The following MAGI1 variants were observed in gnomAD, a reference collection of about 807,000 sequenced individuals.
The protein encoded by MAGI1 is membrane-associated guanylate kinase, WW and PDZ domain-containing protein 1.
MAGI1 carries 58 observed loss-of-function variants against 139.9 expected under a neutral mutation model. That is an observed-to-expected ratio of 0.41 (90% confidence interval 0.34 to 0.52). The LOEUF is 0.52. Ranked by LOEUF, MAGI1 falls within the 20% of genes least tolerant of loss-of-function variation. The probability of loss-of-function intolerance (pLI) is 0.12; values close to 1 mark genes in which losing one functional copy is unlikely to be tolerated. For synonymous variants in MAGI1, 812 were observed against 737.9 expected (o/e 1.10, Z -1.63); for missense variants, 1,874 against 1,901.6 (o/e 0.99, Z 0.27).
chr3:65,488,389 T>G (rs1000919901), intron 3 of MAGI1, among the ~76,000 whole-genome samples: 41 of 152,144 alleles, frequency 2.7e-4, no homozygotes, highest in African/African-American at 9.4e-4. Context: ...CAGGCTGGAG[T>G]GCAGTGGCAC....
intron 2 of MAGI1, among the ~76,000 whole-genome samples, chr3:65,496,651 C>A (rs1255910964): frequency 2.0e-5 from 3 of 152,186 alleles, no homozygotes; most frequent in Admixed American, 1.3e-4. Flanking sequence ...TCCATGCCAC[C>A]CACCAATGGA....
At chr3:65,530,848 C>T (rs1317847513) in intron 2 of MAGI1, among the ~76,000 whole-genome samples, 8 of 115,230 alleles carry the variant, frequency 6.9e-5, no homozygotes, top group African/African-American at 2.6e-4. Context: ...TACACACACA[C>T]ACACACATAT....
chr3:65,986,668 C>T (rs1275751107), intron 1 of MAGI1, among the ~76,000 whole-genome samples: 1 of 152,046 alleles, frequency 6.6e-6, no homozygotes, highest in African/African-American at 2.4e-5. Context: ...GGTTGTTATT[C>T]GTGTTTGAAA....
intron 2 of MAGI1, among the ~76,000 whole-genome samples, chr3:65,563,779 T>C (rs2080478112): frequency 6.6e-6 from 1 of 152,190 alleles, no homozygotes; most frequent in Non-Finnish European, 1.5e-5. Flanking sequence ...GCTGATTCAT[T>C]AGGTAGTTAC....
At chr3:65,482,853 C>T (rs1483462320) in intron 3 of MAGI1, among the ~76,000 whole-genome samples, 1 of 152,188 alleles carries the variant, frequency 6.6e-6, no homozygotes, top group African/African-American at 2.4e-5. Flanking sequence ...AAGTCTGGTT[C>T]CAGGGACTCC....
chr3:65,830,389 T>C (rs17073914), intron 1 of MAGI1, among the ~76,000 whole-genome samples: 13,610 of 150,980 alleles, frequency 0.09, 841 homozygotes, highest in South Asian at 0.28. Context: ...AATAAAGACA[T>C]GGGGTAGCTA....
chr3:66,026,729 AGGAGATGGCG>A (rs1350731116), intron 1 of MAGI1, among the ~76,000 whole-genome samples: 3 of 152,084 alleles, frequency 2.0e-5, no homozygotes, highest in Non-Finnish European at 2.9e-5. Context: ...CAGAGAGAAG[AGGAGATGGCG>A]GCAATTAAGC....
At chr3:65,546,148 A>G (rs1374530223) in intron 2 of MAGI1, among the ~76,000 whole-genome samples, 1 of 152,136 alleles carries the variant, frequency 6.6e-6, no homozygotes, top group Non-Finnish European at 1.5e-5. Context: ...AATGGCCACT[A>G]ACTATAGACC....
chr3:65,547,278 G>A (rs1232900342), intron 2 of MAGI1, among the ~76,000 whole-genome samples: 2 of 152,128 alleles, frequency 1.3e-5, no homozygotes, highest in African/African-American at 2.4e-5. Flanking sequence ...ACCCCTAAGC[G>A]ATAGAGCTGA....
At chr3:65,850,878 G>A (rs897811664) in intron 1 of MAGI1, among the ~76,000 whole-genome samples, 2 of 152,094 alleles carry the variant, frequency 1.3e-5, no homozygotes, top group Non-Finnish European at 2.9e-5. Context: ...AGGCCGAGGC[G>A]GGCGGATCAC....
At chr3:65,493,051 C>G (rs4482611) in intron 3 of MAGI1, among the ~76,000 whole-genome samples, 1 of 141,216 alleles carries the variant, frequency 7.1e-6, no homozygotes, top group South Asian at 2.2e-4. Flanking sequence ...GCACTCCAGC[C>G]TGGGCGACAG....
intron 6 of MAGI1, among the ~76,000 whole-genome samples, chr3:65,449,486 A>G (rs887434161): frequency 3.3e-5 from 5 of 152,138 alleles, no homozygotes; most frequent in African/African-American, 1.2e-4. Flanking sequence ...AAATGAACAC[A>G]ATCAGGGGCC....
chr3:65,773,532 C>CA (rs2038125779), intron 1 of MAGI1, among the ~76,000 whole-genome samples: 2 of 151,344 alleles, frequency 1.3e-5, no homozygotes, highest in Admixed American at 6.6e-5. Context: ...GACACTGTCT[C>CA]AAAAAAAAGA....
chr3:65,576,019 CTT>C (rs2081160565), intron 2 of MAGI1, among the ~76,000 whole-genome samples: 1 of 152,084 alleles, frequency 6.6e-6, no homozygotes, highest in African/African-American at 2.4e-5. Flanking sequence ...CAAGTCAAGA[CTT>C]ATCAAATCAT....
chr3:65,794,031 T>TA (rs1470071060), intron 1 of MAGI1, among the ~76,000 whole-genome samples: 1 of 152,172 alleles, frequency 6.6e-6, no homozygotes, highest in African/African-American at 2.4e-5. Context: ...ACAGCCACCA[T>TA]ATCTGTGATT....
chr3:65,843,166 TAA>T (rs1401473795), intron 1 of MAGI1, among the ~76,000 whole-genome samples: 1 of 152,188 alleles, frequency 6.6e-6, no homozygotes, highest in East Asian at 1.9e-4. Flanking sequence ...GATAATGTTA[TAA>T]AAAGATTGTC....
intron 1 of MAGI1, among the ~76,000 whole-genome samples, chr3:65,780,187 C>T (rs969790083): frequency 6.6e-6 from 1 of 152,172 alleles, no homozygotes; most frequent in East Asian, 1.9e-4. Context: ...CCAGCCCTGG[C>T]TAATTTTTGT....
At chr3:66,017,252 C>T (rs145626372) in intron 1 of MAGI1, among the ~76,000 whole-genome samples, 1 of 152,330 alleles carries the variant, frequency 6.6e-6, no homozygotes, top group South Asian at 2.1e-4. Flanking sequence ...TGCGGGAAGA[C>T]GCAAGCACTT....
At chr3:65,561,646 A>G (rs1474591231) in intron 2 of MAGI1, among the ~76,000 whole-genome samples, 1 of 152,220 alleles carries the variant, frequency 6.6e-6, no homozygotes, top group Non-Finnish European at 1.5e-5. Context: ...GAAATAATTT[A>G]CATCAACTCT....
Sources: gnomAD v4.1 joint callset for allele counts (sites outside exome capture counted in the v4.1 genomes callset) on GRCh38, gnomAD v4.1.1 for gene constraint, MANE v1.5 for transcripts, NCBI Gene and HGNC (gene_info 2026-07-23, HGNC 2026-07-21) for gene names.